The following SPEF2 variants were observed in gnomAD, a reference collection of about 807,000 sequenced individuals.
SPEF2 encodes the protein sperm flagella and cilia-associated protein 2.
SPEF2 carries 187 observed loss-of-function variants against 224.6 expected under a neutral mutation model. That is an observed-to-expected ratio of 0.83 (90% CI 0.74 to 0.94). The LOEUF (loss-of-function observed/expected upper bound fraction) is 0.94. Among genes scored for constraint, SPEF2 ranks in the 40% least tolerant of loss-of-function variants. The pLI is 0.00. For missense variants in SPEF2, 2,170 were observed against 2,135.6 expected, an observed-to-expected ratio of 1.02 and a Z score of -0.32; for synonymous variants, 715 against 707.3, an observed-to-expected ratio of 1.01 and a Z score of -0.17.
intron 8 of SPEF2, 135 bp downstream of exon 8, chr5:35,659,342 C>A: frequency 1.2e-6 from 1 of 812,842 alleles, no homozygotes; most frequent in Non-Finnish European, 1.9e-6. Flanking sequence ...TGTTATCTGC[C>A]CATTTTTATT....
intron 20 of SPEF2, among the ~76,000 whole-genome samples, chr5:35,722,107 A>C (rs1580447886): frequency 2.0e-5 from 3 of 151,908 alleles, no homozygotes; most frequent in African/African-American, 7.3e-5. Context: ...AAAAAAAAAC[A>C]GTTTAAAAAT....
chr5:35,676,464 C>T (rs1752030832), intron 10 of SPEF2, among the ~76,000 whole-genome samples: 2 of 152,188 alleles, frequency 1.3e-5, no homozygotes, highest in African/African-American at 4.8e-5. Context: ...TGCGGGGGCT[C>T]ACACCTGTAA....
At chr5:35,674,332 G>A (rs1383048779) in intron 10 of SPEF2, among the ~76,000 whole-genome samples, 6 of 99,990 alleles carry the variant, frequency 6.0e-5, no homozygotes, top group African/African-American at 1.6e-4. Flanking sequence ...TTCTCTTTTC[G>A]TCTTCTTTTT....
At chr5:35,638,446 A>G (rs1424948395) in intron 2 of SPEF2, among the ~76,000 whole-genome samples, 1 of 152,080 alleles carries the variant, frequency 6.6e-6, no homozygotes, top group Non-Finnish European at 1.5e-5. Context: ...TACACATCGT[A>G]TGTTTTTGTT....
intron 14 of SPEF2, among the ~76,000 whole-genome samples, 184 bp downstream of exon 14, chr5:35,695,980 T>C (rs1403491104): frequency 6.6e-6 from 1 of 152,234 alleles, no homozygotes; most frequent in Non-Finnish European, 1.5e-5. Context: ...TCAATATTTA[T>C]ATTGAAAGCA....
chr5:35,773,214 C>CA (rs1432811339), intron 27 of SPEF2, among the ~76,000 whole-genome samples: 3 of 151,974 alleles, frequency 2.0e-5, no homozygotes, highest in African/African-American at 4.8e-5. Flanking sequence ...TCTGTCTTTA[C>CA]AAAAAAATAC....
chr5:35,771,826 C>G (rs1363854765), intron 27 of SPEF2, 70 bp downstream of exon 27: 1 of 1,519,514 alleles, frequency 6.6e-7, no homozygotes. Flanking sequence ...GAGCATTTAA[C>G]TGGACACATT....
In SPEF2 at chr5:35,710,612, G is replaced by A. The variant is rs181409561; in HGVS notation, c.2839+1491G>A. 1.0e-3 allele frequency: 987 copies of A among 985,152 alleles called. 10 individuals are homozygous for A. In the African/African-American group the frequency reaches 0.017, roughly 17 times the overall value. 61.0% of individuals were successfully genotyped at this position (985,152 alleles called of 1,614,324 possible). A position where few individuals can be genotyped will look rare whatever the true frequency, so the allele number is the denominator to read the frequency against. On this transcript the variant is annotated intron_variant, in intron 19 of 36. Coordinates refer to ENST00000356031, the MANE Select transcript of SPEF2 (RefSeq NM_024867.4). ...AGACAGTTTTCACAGTGGGTCAGGTGAGCCTAGAATTATCGAATATCGTCC... is the reference window on the plus strand; with the variant it reads ...AGACAGTTTTCACAGTGGGTCAGGTAAGCCTAGAATTATCGAATATCGTCC...
intron 10 of SPEF2, among the ~76,000 whole-genome samples, chr5:35,689,165 C>A (rs1012528690): frequency 2.6e-4 from 40 of 152,036 alleles, no homozygotes; most frequent in Admixed American, 1.3e-4. Context: ...TCTATGACAT[C>A]TTTTTCATTT....
chr5:35,806,062 T>A (rs943508406), intron 34 of SPEF2, among the ~76,000 whole-genome samples: 1 of 152,198 alleles, frequency 6.6e-6, no homozygotes, highest in Non-Finnish European at 1.5e-5. Context: ...CTGTAACTAC[T>A]GGGTCAATGA....
At chr5:35,766,119 C>T (rs1752053979) in intron 26 of SPEF2, among the ~76,000 whole-genome samples, 1 of 151,984 alleles carries the variant, frequency 6.6e-6, no homozygotes, top group Non-Finnish European at 1.5e-5. Context: ...TCTTTGATGG[C>T]TTGGAGCATC....
intron 23 of SPEF2, among the ~76,000 whole-genome samples, chr5:35,751,312 G>C (rs908955363): frequency 9.6e-5 from 14 of 145,608 alleles, no homozygotes; most frequent in Non-Finnish European, 1.5e-4. Context: ...TTGGGGACTT[G>C]GGGGGAAGAG....
rs1235808493 is a variant in SPEF2, at chr5:35,618,041, T to C, written c.44T>C (p.Val15Ala). The change falls in exon 1 of 37, where the codon GTG (valine) becomes GCG (alanine). Residue 15 changes from valine (V) to alanine (A), a missense_variant. Transcript: ENST00000356031. ...LCQWLNKELK[V>A]SRTVSPKSFA... ...CAGTGGCTCAACAAGGAGTTGAAGG[T>C]GTCCCGGACCGTGAGTGAGTGACCA... 3.2e-6 allele frequency: 5 copies of C among 1,586,146 alleles called. No homozygotes were observed. Among genetic ancestry groups the C allele is most frequent in the Middle Eastern group, 1.7e-4 (1 of 6,046 alleles).
chr5:35,734,051 G>C (rs1351516787), intron 21 of SPEF2, among the ~76,000 whole-genome samples: 1 of 152,170 alleles, frequency 6.6e-6, no homozygotes, highest in East Asian at 1.9e-4. Flanking sequence ...GTAATTCAAG[G>C]ATATTGAAAG....
At chr5:35,618,092 C>A (rs749461479) in intron 1 of SPEF2, 37 bp downstream of exon 1, 8 of 1,561,032 alleles carry the variant, frequency 5.1e-6, no homozygotes, top group Non-Finnish European at 7.0e-6. Flanking sequence ...GTCTGAGGGG[C>A]TAGCGGGGCG....
intron 19 of SPEF2, among the ~76,000 whole-genome samples, chr5:35,711,758 T>C (rs922351023): frequency 1.6e-5 from 1 of 63,746 alleles, no homozygotes; most frequent in African/African-American, 4.5e-5. Context: ...ATGTCTGTGA[T>C]ATTTAATGTA....
intron 19 of SPEF2, 63 bp downstream of exon 19, chr5:35,709,184 A>G (rs1295657701): frequency 7.6e-6 from 12 of 1,588,092 alleles, no homozygotes; most frequent in African/African-American, 6.9e-5. Flanking sequence ...GTAAAGAATT[A>G]TAAATTATAG....
intron 10 of SPEF2, among the ~76,000 whole-genome samples, chr5:35,681,709 A>G (rs538126929): frequency 8.5e-5 from 13 of 152,276 alleles, no homozygotes; most frequent in Admixed American, 4.6e-4. Flanking sequence ...TTTTTTGTGC[A>G]TTTTATATCT....
At chr5:35,625,086 A>G (rs1744046781) in intron 1 of SPEF2, among the ~76,000 whole-genome samples, 1 of 148,788 alleles carries the variant, frequency 6.7e-6, no homozygotes, top group East Asian at 2.0e-4. Context: ...TGCTTTTATC[A>G]TTTGCTGTAT....
Sources: gnomAD v4.1 joint callset for allele counts (sites outside exome capture counted in the v4.1 genomes callset) on GRCh38, gnomAD v4.1.1 for gene constraint, MANE v1.5 for transcripts, NCBI Gene and HGNC (gene_info 2026-07-23, HGNC 2026-07-21) for gene names.